The following SLCO3A1 variants were observed in gnomAD, a reference collection of about 807,000 sequenced individuals.
The protein encoded by SLCO3A1 is solute carrier organic anion transporter family member 3A1.
SLCO3A1 carries 27 observed loss-of-function variants against 63.1 expected under a neutral mutation model. The ratio of observed to expected loss-of-function variants is 0.43; its 90% CI spans 0.32 to 0.59. The LOEUF is 0.59. Ranked by LOEUF, SLCO3A1 falls within the 20% of genes least tolerant of loss-of-function variation. The pLI is 0.09. For synonymous variants in SLCO3A1, 473 were observed against 409.9 expected, an observed-to-expected ratio of 1.15 and a Z score of -1.86; for missense variants, 773 against 945.8, an observed-to-expected ratio of 0.82 and a Z score of 2.40.
intron 1 of SLCO3A1, among the ~76,000 whole-genome samples, chr15:91,904,952 T>C (rs959544088): frequency 6.6e-6 from 1 of 152,186 alleles, no homozygotes; most frequent in African/African-American, 2.4e-5. Context: ...CATACAATGA[T>C]TTTGTACCCT....
At chr15:92,097,953 CAG>C (rs1040016395) in intron 3 of SLCO3A1, 6 of 152,222 alleles carry the variant, frequency 3.9e-5, no homozygotes, top group African/African-American at 1.2e-4. Flanking sequence ...TTTCCTAAAA[CAG>C]TGCTCTTCTG....
intron 1 of SLCO3A1, among the ~76,000 whole-genome samples, chr15:91,909,909 C>T (rs1223110495): frequency 6.6e-6 from 1 of 152,206 alleles, no homozygotes; most frequent in Non-Finnish European, 1.5e-5. Context: ...CTCCTCTCTC[C>T]CCAGCACTGT....
chr15:92,125,722 G>A (rs113541632), intron 5 of SLCO3A1, among the ~76,000 whole-genome samples: 3 of 151,882 alleles, frequency 2.0e-5, no homozygotes, highest in South Asian at 2.1e-4. Flanking sequence ...GTACCCTCCC[G>A]AAGGCATGTC....
At chr15:91,999,205 C>T (rs1013949060) in intron 2 of SLCO3A1, among the ~76,000 whole-genome samples, 6 of 152,070 alleles carry the variant, frequency 3.9e-5, no homozygotes, top group Non-Finnish European at 8.8e-5. Flanking sequence ...GTGATGGGAT[C>T]GTTCATAACC....
intron 2 of SLCO3A1, among the ~76,000 whole-genome samples, chr15:92,047,909 C>T (rs964698869): frequency 1.3e-5 from 2 of 151,656 alleles, no homozygotes. Flanking sequence ...ATGTACCGGG[C>T]ACTTCATCTG....
At chr15:92,171,755 CTCT>C in intron 10 of SLCO3A1, 1 of 1,506,078 alleles carries the variant, frequency 6.6e-7, no homozygotes, top group Non-Finnish European at 9.0e-7. Flanking sequence ...TTCCTCTTGG[CTCT>C]TCTTCCCTCC....
intron 1 of SLCO3A1, among the ~76,000 whole-genome samples, chr15:91,864,813 C>T (rs1226010796): frequency 6.6e-6 from 1 of 152,166 alleles, no homozygotes; most frequent in Non-Finnish European, 1.5e-5. Flanking sequence ...ACCCGGTGAG[C>T]CCAACAGTGA....
At chr15:92,004,245 G>A (rs888116570) in intron 2 of SLCO3A1, among the ~76,000 whole-genome samples, 1 of 152,216 alleles carries the variant, frequency 6.6e-6, no homozygotes, top group South Asian at 2.1e-4. Context: ...GTTCTAGGCT[G>A]TGCCACCTGC....
At chr15:92,050,445 C>T (rs1257914549) in intron 2 of SLCO3A1, among the ~76,000 whole-genome samples, 3 of 152,194 alleles carry the variant, frequency 2.0e-5, no homozygotes, top group Admixed American at 1.3e-4. Flanking sequence ...CACGGAGGCA[C>T]GGTGCCACCA....
intron 2 of SLCO3A1, among the ~76,000 whole-genome samples, chr15:92,092,796 G>T (rs572157760): frequency 6.6e-6 from 1 of 152,088 alleles, no homozygotes; most frequent in Admixed American, 6.5e-5. Context: ...TGTGTGCTTG[G>T]TTATCTTAAA....
intron 7 of SLCO3A1, among the ~76,000 whole-genome samples, chr15:92,146,411 T>C (rs2048223647): frequency 6.6e-6 from 1 of 152,248 alleles, no homozygotes; most frequent in African/African-American, 2.4e-5. Context: ...CCTGCATCTC[T>C]TAGCCCCCTT....
rs1897960074 is a variant in SLCO3A1 at position 91,894,730 on chromosome 15, TA to T, written c.181-21259del. On this transcript the variant is annotated intron_variant, in intron 1 of 9. Transcript: ENST00000318445. This position sits in a 1 kb window ranked among gnomAD's most constrained non-coding sequence, Gnocchi z 4.8. ...GCAGGGTCTGAGATTTTTGAATTTC[TA>T]AAAGGCTCTCTGGTGATGTCAGCTA... 1.3e-5 allele frequency among the ~76,000 whole-genome samples: 2 copies of T among 152,208 alleles called. No homozygotes were observed. Among genetic ancestry groups the T allele is most frequent in the Non-Finnish European group, 2.9e-5 (2 of 68,030 alleles).
chr15:92,111,365 T>C (rs564690912), intron 4 of SLCO3A1, among the ~76,000 whole-genome samples: 2 of 152,342 alleles, frequency 1.3e-5, no homozygotes, highest in East Asian at 3.9e-4. Flanking sequence ...GAGTCCTTGT[T>C]CTGCCGGTAA....
At chr15:92,013,319 G>T (rs1249878420) in intron 2 of SLCO3A1, among the ~76,000 whole-genome samples, 1 of 152,242 alleles carries the variant, frequency 6.6e-6, no homozygotes, top group African/African-American at 2.4e-5. Flanking sequence ...AGATGTTGAG[G>T]CTTGGTTTGA....
intron 2 of SLCO3A1, among the ~76,000 whole-genome samples, chr15:91,958,001 T>C (rs1900301843): frequency 1.3e-5 from 2 of 152,140 alleles, no homozygotes; most frequent in Admixed American, 6.5e-5. Context: ...GGGTTTGAAC[T>C]GCATGGACCC....
At chr15:92,159,123 A>G (rs954955236) in intron 9 of SLCO3A1, among the ~76,000 whole-genome samples, 1 of 152,204 alleles carries the variant, frequency 6.6e-6, no homozygotes, top group African/African-American at 2.4e-5. Context: ...TATTAACTCC[A>G]TTTTAAAGAT....
chr15:91,942,175 A>T lies in SLCO3A1; in HGVS notation c.646+25717A>T, dbSNP rs2151401013. 6.6e-6 allele frequency among the ~76,000 whole-genome samples: 1 copy of T among 151,036 alleles called. No homozygotes were observed. Among genetic ancestry groups the T allele is most frequent in the East Asian group, 1.9e-4 (1 of 5,192 alleles). On this transcript the variant is annotated intron_variant, in intron 2 of 9. Coordinates refer to ENST00000318445, the MANE Select transcript of SLCO3A1 (RefSeq NM_013272.4). This position sits in a 1 kb window ranked among gnomAD's most constrained non-coding sequence, Gnocchi z 4.1. ...TTCTTATTAAAATTTTACTTGTAGAAATAAAAAGGTGGCACCTCTGTCATT... is the reference window on the plus strand; with the variant it reads ...TTCTTATTAAAATTTTACTTGTAGATATAAAAAGGTGGCACCTCTGTCATT...
intron 2 of SLCO3A1, among the ~76,000 whole-genome samples, chr15:92,048,737 A>G (rs946453926): frequency 1.3e-5 from 2 of 152,126 alleles, no homozygotes; most frequent in Admixed American, 6.5e-5. Context: ...CATCTCTACT[A>G]AAAATACAAA....
downstream of SLCO3A1, among the ~76,000 whole-genome samples, chr15:92,170,608 A>C (rs1196391207): frequency 1.3e-5 from 2 of 152,224 alleles, no homozygotes; most frequent in African/African-American, 4.8e-5. Context: ...CTTCTTATGA[A>C]GCCTCTGCAA....
Sources: allele counts gnomAD v4.1 joint callset (sites outside exome capture counted in the v4.1 genomes callset), GRCh38; gene constraint gnomAD v4.1.1; non-coding constraint Gnocchi (gnomAD v3.1); transcripts MANE v1.5; gene names NCBI Gene and HGNC (gene_info 2026-07-23, HGNC 2026-07-21).